The following ZNF385D variants were observed in gnomAD, a reference collection of about 807,000 sequenced individuals.
ZNF385D encodes zinc finger protein 659.
A neutral mutation model predicts 35.8 loss-of-function variants in ZNF385D; 15 were observed. The ratio of observed to expected loss-of-function variants is 0.42; its 90% CI spans 0.28 to 0.64. The LOEUF is 0.64. ZNF385D is among the 30% of genes least tolerant of loss of function. ZNF385D has a pLI of 0.23. For synonymous variants in ZNF385D, 212 were observed against 186.8 expected, an observed-to-expected ratio of 1.13 and a Z score of -1.10; for missense variants, 474 against 494.6, an observed-to-expected ratio of 0.96 and a Z score of 0.39.
At chr3:22,195,615 C>A (rs1403893266) in intron 2 of ZNF385D, among the ~76,000 whole-genome samples, 4 of 151,890 alleles carry the variant, frequency 2.6e-5, no homozygotes, top group African/African-American at 9.7e-5. Flanking sequence ...TATTTATATT[C>A]TGAAATTTTC....
chr3:21,454,129 C>T (rs1034852791), intron 4 of ZNF385D, among the ~76,000 whole-genome samples: 16 of 151,780 alleles, frequency 1.1e-4, no homozygotes, highest in Admixed American at 4.6e-4. Flanking sequence ...TCCATTTATA[C>T]GAAACATCCA....
chr3:21,982,714 G>T (rs1040698445), intron 3 of ZNF385D, among the ~76,000 whole-genome samples: 1 of 152,066 alleles, frequency 6.6e-6, no homozygotes, highest in African/African-American at 2.4e-5. Context: ...AACATTGACT[G>T]TGGATTTGTC....
chr3:21,848,253 T>G (rs938579036), intron 3 of ZNF385D, among the ~76,000 whole-genome samples: 4 of 152,048 alleles, frequency 2.6e-5, no homozygotes, highest in African/African-American at 7.2e-5. Flanking sequence ...TGTTTGTCCA[T>G]GAAAACTTAG....
rs1436791691 is a variant in ZNF385D, at chr3:22,037,453, T to G, written c.325+131364A>C. ...ATTGTGGTTTTGATTTGCATTTCTC[T>G]GATGGCCAGTGATGATGAGCATTTT... On this transcript the variant is annotated intron_variant, in intron 3 of 5. Coordinates refer to the ZNF385D transcript ENST00000494108. 7.9e-5 allele frequency among the ~76,000 whole-genome samples: 12 copies of G among 152,248 alleles called. No individual in the cohort carries two copies. In the East Asian group the frequency reaches 1.9e-3, roughly 25 times the overall value.
chr3:22,036,804 T>C (rs1389665842), intron 3 of ZNF385D, among the ~76,000 whole-genome samples: 1 of 151,020 alleles, frequency 6.6e-6, no homozygotes, highest in Non-Finnish European at 1.5e-5. Context: ...GTTGGTGTGC[T>C]GTACCCATTA....
chr3:21,845,191 C>T (rs1695927638), intron 3 of ZNF385D, among the ~76,000 whole-genome samples: 1 of 151,882 alleles, frequency 6.6e-6, no homozygotes, highest in Admixed American at 6.6e-5. Context: ...CATGTCTGTG[C>T]TGCAAATTTG....
chr3:21,941,141 C>T (rs551044957), intron 3 of ZNF385D, among the ~76,000 whole-genome samples: 1 of 152,174 alleles, frequency 6.6e-6, no homozygotes, highest in East Asian at 1.9e-4. Context: ...AGCACTATTT[C>T]TATTGTATGG....
chr3:21,602,013 A>G (rs1054850029), intron 2 of ZNF385D, among the ~76,000 whole-genome samples: 7 of 152,184 alleles, frequency 4.6e-5, no homozygotes, highest in African/African-American at 7.2e-5. Context: ...TATAAAGAAA[A>G]AGGTGTAATT....
intron 3 of ZNF385D, among the ~76,000 whole-genome samples, chr3:22,070,150 AAGC>A (rs1700158043): frequency 6.6e-6 from 1 of 152,152 alleles, no homozygotes; most frequent in Non-Finnish European, 1.5e-5. Flanking sequence ...CTTTAAAGAT[AAGC>A]ATCTTATTTT....
chr3:22,265,389 T>C (rs1700846847), intron 2 of ZNF385D, among the ~76,000 whole-genome samples: 1 of 152,006 alleles, frequency 6.6e-6, no homozygotes, highest in Non-Finnish European at 1.5e-5. Context: ...AAAATTTTTG[T>C]GAAACATTAT....
At chr3:22,171,394 T>G in intron 2 of ZNF385D, among the ~76,000 whole-genome samples, 1 of 152,206 alleles carries the variant, frequency 6.6e-6, no homozygotes, top group East Asian at 1.9e-4. Flanking sequence ...TGAGATTTAT[T>G]TGCTTACACA....
In ZNF385D at chr3:22,058,968, C is replaced by A. The variant is rs533320361; in HGVS notation, c.325+109849G>T. Among the ~76,000 whole-genome samples the A allele has an allele frequency of 2.6e-5, 4 of 152,156 alleles. No homozygotes were observed. In the East Asian group the frequency reaches 7.8e-4, roughly 30 times the overall value. On this transcript the variant is annotated intron_variant, in intron 3 of 5. Transcript: ENST00000494108. ...AATATTTACTAGCTAAGAATATAAT[C>A]GAATTCAGGGAGATTAATTTCAATC...
At chr3:21,784,817 T>C (rs2125644422) in intron 3 of ZNF385D, among the ~76,000 whole-genome samples, 1 of 152,314 alleles carries the variant, frequency 6.6e-6, no homozygotes, top group South Asian at 2.1e-4. Flanking sequence ...TGTCTCTCCC[T>C]GCCTTAGGCT....
At chr3:21,766,058 T>A (rs1424703876) in intron 3 of ZNF385D, among the ~76,000 whole-genome samples, 1 of 151,934 alleles carries the variant, frequency 6.6e-6, no homozygotes, top group South Asian at 2.1e-4. Flanking sequence ...GGAAAGATAG[T>A]GGCCGAAAGG....
intron 2 of ZNF385D, among the ~76,000 whole-genome samples, chr3:22,193,017 C>T (rs558815958): frequency 1.0e-3 from 157 of 152,262 alleles, no homozygotes; most frequent in African/African-American, 3.3e-3. Flanking sequence ...CATGACTCCA[C>T]GGTTCCTAGT....
chr3:21,944,323 G>C (rs1699884511), intron 3 of ZNF385D, among the ~76,000 whole-genome samples: 1 of 152,172 alleles, frequency 6.6e-6, no homozygotes, highest in South Asian at 2.1e-4. Context: ...AGGCTGTTAG[G>C]ATCACACTGA....
At chr3:22,301,135 A>G (rs1336335664) in intron 2 of ZNF385D, among the ~76,000 whole-genome samples, 1 of 152,066 alleles carries the variant, frequency 6.6e-6, no homozygotes, top group Non-Finnish European at 1.5e-5. Context: ...TTGAGACAAC[A>G]GAGATGAACC....
intron 3 of ZNF385D, among the ~76,000 whole-genome samples, chr3:22,034,314 G>A (rs1438165693): frequency 2.0e-5 from 3 of 152,128 alleles, no homozygotes; most frequent in Non-Finnish European, 4.4e-5. Context: ...CAAGAAGCTG[G>A]CAGTTTGTAA....
At chr3:21,953,397 A>T (rs150485717) in intron 3 of ZNF385D, among the ~76,000 whole-genome samples, 24 of 152,076 alleles carry the variant, frequency 1.6e-4, no homozygotes, top group African/African-American at 3.9e-4. Flanking sequence ...TCATTATATC[A>T]TTCTCCTTTG....
Sources: allele counts gnomAD v4.1 joint callset (sites outside exome capture counted in the v4.1 genomes callset), GRCh38; gene constraint gnomAD v4.1.1; transcripts MANE v1.5; gene names NCBI Gene and HGNC (gene_info 2026-07-23, HGNC 2026-07-21).